Variants in DCDC2 observed in about 807,000 individuals in gnomAD.
DCDC2 encodes doublecortin domain containing 2.
A neutral mutation model predicts 50.2 loss-of-function variants in DCDC2; 40 were observed. That is an observed-to-expected ratio of 0.80 (90% confidence interval 0.62 to 1.04). DCDC2 has a LOEUF of 1.04. Among genes scored for constraint, DCDC2 ranks in the 50% least tolerant of loss-of-function variants. The pLI is 0.00. For missense variants in DCDC2, 570 were observed against 581.9 expected (o/e 0.98, Z 0.21); for synonymous variants, 234 against 210.6 (o/e 1.11, Z -0.96).
At chr6:24,328,575 A>G (rs971198314) in intron 2 of DCDC2, among the ~76,000 whole-genome samples, 1 of 152,194 alleles carries the variant, frequency 6.6e-6, no homozygotes, top group African/African-American at 2.4e-5. Context: ...CCCCAGAGGT[A>G]TATTGATCAA....
At chr6:24,290,809 C>T (rs1374898695) in intron 5 of DCDC2, 123 bp downstream of exon 5, 1 of 848,106 alleles carries the variant, frequency 1.2e-6, no homozygotes, top group East Asian at 2.8e-5. Context: ...ACCATATATG[C>T]TTTCCATTCT....
chr6:24,253,185 G>A (rs1487587261), intron 7 of DCDC2, among the ~76,000 whole-genome samples: 1 of 151,768 alleles, frequency 6.6e-6, no homozygotes, highest in African/African-American at 2.4e-5. Context: ...AAATATAAGG[G>A]TAGAGATTAA....
chr6:24,270,353 G>C (rs1000316387), intron 7 of DCDC2, among the ~76,000 whole-genome samples: 1 of 152,134 alleles, frequency 6.6e-6, no homozygotes, highest in African/African-American at 2.4e-5. Context: ...AGATTAGAAT[G>C]CACCATCAAG....
At chr6:24,291,669 T>A (rs889115671) in intron 4 of DCDC2, among the ~76,000 whole-genome samples, 21 of 151,580 alleles carry the variant, frequency 1.4e-4, no homozygotes, top group African/African-American at 5.1e-4. Flanking sequence ...GTATTTTTAG[T>A]AGAGACCGGG....
intron 7 of DCDC2, among the ~76,000 whole-genome samples, chr6:24,227,503 CAA>C (rs1561898248): frequency 6.6e-6 from 1 of 152,300 alleles, no homozygotes; most frequent in Non-Finnish European, 1.5e-5. Context: ...CCAGACCCGT[CAA>C]AAGAGTTACA....
chr6:24,360,414 C>A (rs760139179), upstream of DCDC2, among the ~76,000 whole-genome samples: 5 of 152,212 alleles, frequency 3.3e-5, no homozygotes, highest in Non-Finnish European at 5.9e-5. Flanking sequence ...AGTGCCTACC[C>A]TGTGCCAAGC....
chr6:24,298,829 T>G (rs954098102), intron 4 of DCDC2, among the ~76,000 whole-genome samples: 5 of 152,150 alleles, frequency 3.3e-5, no homozygotes, highest in Admixed American at 6.5e-5. Context: ...TAGAATAAAC[T>G]CTTTGGAAGG....
chr6:24,350,178 C>T (rs1342907574), intron 2 of DCDC2, among the ~76,000 whole-genome samples: 1 of 152,196 alleles, frequency 6.6e-6, no homozygotes, highest in Non-Finnish European at 1.5e-5. Context: ...CAAGCAGTGA[C>T]ACAAACCACA....
intron 2 of DCDC2, among the ~76,000 whole-genome samples, chr6:24,351,469 T>G (rs1321569278): frequency 6.6e-6 from 1 of 152,218 alleles, no homozygotes; most frequent in Non-Finnish European, 1.5e-5. Context: ...CCATCTCCTT[T>G]GCATTTCACA....
intron 6 of DCDC2, among the ~76,000 whole-genome samples, chr6:24,285,694 T>C (rs17302582): frequency 6.6e-6 from 1 of 152,118 alleles, no homozygotes; most frequent in South Asian, 2.1e-4. Context: ...TACCTACACA[T>C]GCATTTTAAA....
intron 7 of DCDC2, among the ~76,000 whole-genome samples, chr6:24,273,232 C>T (rs1763279118): frequency 1.3e-5 from 2 of 152,042 alleles, no homozygotes; most frequent in Non-Finnish European, 2.9e-5. Flanking sequence ...CTAAATAATG[C>T]GTACACATGA....
rs1282864359 is a variant in DCDC2 at position 24,287,541 on chromosome 6, G to A, written c.759+1311C>T. 4.6e-5 allele frequency among the ~76,000 whole-genome samples: 7 copies of A among 152,208 alleles called. No individual in the cohort carries two copies. The East Asian group carries it at 1.4e-3, about 29-fold the overall frequency. ...ATGACAAAGATGCCTGCCTTGTGGG[G>A]TGAGGTTAAATAAATCACTACTGTA... On this transcript the variant is annotated intron_variant, in intron 6 of 9. Coordinates refer to ENST00000378454, the MANE Select transcript of DCDC2 (RefSeq NM_016356.5).
chr6:24,288,881 T>C lies in DCDC2; in HGVS notation c.730A>G (p.Ile244Val), dbSNP rs867029190. Residue 244 changes from isoleucine to valine, a missense_variant, in exon 6 of 10, where the codon ATT (isoleucine) becomes GTT (valine). Coordinates refer to ENST00000378454, the MANE Select transcript of DCDC2 (RefSeq NM_016356.5). Reference protein sequence around the residue: ...FGQKASSLPPIVGSRKSKGSG... With the variant: ...FGQKASSLPPVVGSRKSKGSG... ...CCTTTAGACTTTCTGGATCCTACAA[T>C]AGGAGGTAGTGAAGAAGCTTTCTGA... The C allele has an allele frequency of 3.1e-6, 5 of 1,602,848 alleles. No homozygotes were observed. The East Asian group carries it at 8.9e-5, about 29-fold the overall frequency.
At chr6:24,180,412 G>A (rs1761045040) in intron 8 of DCDC2, among the ~76,000 whole-genome samples, 1 of 151,928 alleles carries the variant, frequency 6.6e-6, no homozygotes, top group Non-Finnish European at 1.5e-5. Context: ...AGCCCCCCGA[G>A]TAGCTGGGAC....
intron 7 of DCDC2, among the ~76,000 whole-genome samples, chr6:24,243,999 A>G (rs1381723114): frequency 1.3e-5 from 2 of 152,194 alleles, no homozygotes; most frequent in African/African-American, 2.4e-5. Context: ...TAAATCTTCA[A>G]TGCACATTAA....
intron 8 of DCDC2, among the ~76,000 whole-genome samples, chr6:24,183,173 G>A (rs1384918009): frequency 6.6e-6 from 1 of 152,172 alleles, no homozygotes; most frequent in Non-Finnish European, 1.5e-5. Flanking sequence ...TGGGTATGGA[G>A]TTTCAGTTTT....
rs146868469 is a variant in DCDC2, at chr6:24,174,739, G to A, written c.1422C>T (p.Ala474=). ...TCTTTTTAAAAATGTTCTAAGCCAC[G>A]GCAGCATAGTCCTTGTTTTGTTGGT... is the stretch of plus-strand genomic sequence containing the variant. ...ENNQQNKDYA[A]VA is the part of the protein sequence containing the mutation. The change falls in exon 10 of 10, where the codon GCC becomes GCT. Residue 474 remains alanine (A), a synonymous_variant. Transcript: ENST00000378454. 148 of 1,610,590 alleles carry A rather than the reference G, an allele frequency of 9.2e-5. No individual in the cohort carries two copies. Among genetic ancestry groups the A allele is most frequent in the Middle Eastern group, 1.6e-4 (1 of 6,072 alleles).
At chr6:24,339,403 T>C (rs545880343) in intron 2 of DCDC2, among the ~76,000 whole-genome samples, 10 of 152,258 alleles carry the variant, frequency 6.6e-5, no homozygotes, top group African/African-American at 2.2e-4. Context: ...ATATTCACCA[T>C]TGCAAATCCA....
chr6:24,337,020 T>C (rs906013739), intron 2 of DCDC2, among the ~76,000 whole-genome samples: 2 of 152,198 alleles, frequency 1.3e-5, no homozygotes, highest in South Asian at 2.1e-4. Context: ...GGGAGAAAAG[T>C]AGCTTGTCTC....
Sources: gnomAD v4.1 joint callset for allele counts (sites outside exome capture counted in the v4.1 genomes callset) on GRCh38, gnomAD v4.1.1 for gene constraint, MANE v1.5 for transcripts, NCBI Gene and HGNC (gene_info 2026-07-23, HGNC 2026-07-21) for gene names.